VGLL4: variants seen among roughly 807,000 people sequenced by gnomAD.
VGLL4 encodes vestigial like family member 4.
Under a neutral mutation model 21.0 loss-of-function variants are expected in VGLL4, and 7 were observed. The ratio of observed to expected loss-of-function variants is 0.33; its 90% CI spans 0.19 to 0.63. The LOEUF is 0.63. Among genes scored for constraint, VGLL4 ranks in the 20% least tolerant of loss-of-function variants. The pLI is 0.78. For missense variants in VGLL4, 394 were observed against 425.7 expected (o/e 0.93, Z 0.66); for synonymous variants, 222 against 173.2 (o/e 1.28, Z -2.21).
In VGLL4 at chr3:11,577,162, C is replaced by T. The variant is rs543419525; in HGVS notation, c.273-12143G>A. ...CTGGCCAGCGCCAACCCCCTAGAAA[C>T]GAGTGGTCTGAGGAGACCTTCTGCC... On this transcript the variant is annotated intron_variant, in intron 2 of 4. Transcript: ENST00000430365. Among the ~76,000 whole-genome samples, 108 of 152,334 alleles carry T rather than the reference C, an allele frequency of 7.1e-4. 3 individuals carry two copies. The South Asian group carries it at 0.021, about 29-fold the overall frequency.
chr3:11,602,508 T>C (rs1173338078), intron 1 of VGLL4, among the ~76,000 whole-genome samples: 1 of 152,108 alleles, frequency 6.6e-6, no homozygotes. Context: ...GGAAAGTGTG[T>C]GGGCTAACAG....
chr3:11,589,899 A>T (rs773415105), intron 2 of VGLL4, among the ~76,000 whole-genome samples: 34 of 152,356 alleles, frequency 2.2e-4, no homozygotes, highest in Non-Finnish European at 4.4e-4. Flanking sequence ...CAAAGGCTTC[A>T]TCTCTAAAGA....
At chr3:11,559,496 A>C in intron 3 of VGLL4, 41 bp from the exon 4 acceptor site, 1 of 1,508,644 alleles carries the variant, frequency 6.6e-7, no homozygotes. Flanking sequence ...GACCAGCTTC[A>C]GTACCGGGCA....
intron 2 of VGLL4, among the ~76,000 whole-genome samples, chr3:11,588,447 G>T (rs1177039484): frequency 6.6e-6 from 1 of 152,222 alleles, no homozygotes; most frequent in African/African-American, 2.4e-5. Context: ...AGCCCAGGGG[G>T]TCCTACAGGC....
At chr3:11,697,836 A>G (rs895510961) in intron 2 of VGLL4, among the ~76,000 whole-genome samples, 5 of 152,176 alleles carry the variant, frequency 3.3e-5, no homozygotes, top group Non-Finnish European at 7.3e-5. Context: ...ACCTTCAATA[A>G]TCATCTCCAA....
At chr3:11,634,235 CTG>C (rs2075542368) in intron 1 of VGLL4, among the ~76,000 whole-genome samples, 1 of 152,212 alleles carries the variant, frequency 6.6e-6, no homozygotes, top group Non-Finnish European at 1.5e-5. Flanking sequence ...AGTCCTCTTC[CTG>C]TGTTTCCTGT....
chr3:11,569,414 G>C (rs2073683200), intron 2 of VGLL4, among the ~76,000 whole-genome samples: 1 of 152,236 alleles, frequency 6.6e-6, no homozygotes, highest in Non-Finnish European at 1.5e-5. Context: ...ATGAGGCCCA[G>C]GGCAGCCTTG....
chr3:11,677,687 TC>T (rs1403101937), intron 2 of VGLL4, among the ~76,000 whole-genome samples: 1 of 152,042 alleles, frequency 6.6e-6, no homozygotes, highest in Non-Finnish European at 1.5e-5. Context: ...ACACCTGTAA[TC>T]CCAGCACTTT....
chr3:11,650,212 G>A (rs1180131036), intron 2 of VGLL4, among the ~76,000 whole-genome samples: 1 of 152,138 alleles, frequency 6.6e-6, no homozygotes, highest in Non-Finnish European at 1.5e-5. Flanking sequence ...TGGGATTACT[G>A]GCATGAGCCA....
At chr3:11,562,504 T>C (rs2073110982) in intron 3 of VGLL4, among the ~76,000 whole-genome samples, 1 of 152,128 alleles carries the variant, frequency 6.6e-6, no homozygotes, top group Non-Finnish European at 1.5e-5. Context: ...CCCACTGCCA[T>C]TTCCCTGGCT....
chr3:11,626,775 A>G (rs1487402958), intron 1 of VGLL4, among the ~76,000 whole-genome samples: 1 of 152,202 alleles, frequency 6.6e-6, no homozygotes, highest in Non-Finnish European at 1.5e-5. Flanking sequence ...GAAGACAAGC[A>G]CTAGGAAGGC....
chr3:11,615,264 A>C (rs183196869), intron 1 of VGLL4, among the ~76,000 whole-genome samples: 1 of 152,308 alleles, frequency 6.6e-6, no homozygotes, highest in African/African-American at 2.4e-5. Context: ...TAAGGGTCAT[A>C]TGCTGCTCAG....
intron 2 of VGLL4, among the ~76,000 whole-genome samples, chr3:11,573,275 GAAA>G (rs2073872486): frequency 4.3e-4 from 7 of 16,400 alleles, no homozygotes; most frequent in African/African-American, 1.1e-3. Flanking sequence ...AAGAAAGAAA[GAAA>G]GAAAGAAAGA....
intron 1 of VGLL4, among the ~76,000 whole-genome samples, chr3:11,619,360 T>A (rs1456039838): frequency 6.6e-6 from 1 of 152,150 alleles, no homozygotes; most frequent in African/African-American, 2.4e-5. Context: ...GAAGAGTGGG[T>A]AACCCAAAAA....
chr3:11,609,634 G>A (rs565406206), intron 1 of VGLL4, among the ~76,000 whole-genome samples: 13 of 152,332 alleles, frequency 8.5e-5, no homozygotes, highest in African/African-American at 2.4e-4. Context: ...GTTTCAGGGG[G>A]ATTAATGGAC....
At position 11,624,296 on chromosome 3, in the gene VGLL4, A is replaced by T. The variant is rs112707522; in HGVS notation, c.82+19141T>A. On this transcript the variant is annotated intron_variant, in intron 1 of 4. Coordinates refer to ENST00000430365, the MANE Select transcript of VGLL4 (RefSeq NM_001128219.3). ...CAACTGATCAATACCAAGATCAGCC[A>T]ACACCACATCAGACATTTCTAAGGA... Among the ~76,000 whole-genome samples, 457 of 152,272 alleles carry T rather than the reference A, an allele frequency of 3.0e-3. 4 individuals carry two copies. Among genetic ancestry groups the T allele is most frequent in the African/African-American group, 0.01 (416 of 41,548 alleles).
chr3:11,626,329 C>A (rs2075351877), intron 1 of VGLL4: 1 of 456,556 alleles, frequency 2.2e-6, no homozygotes, highest in African/African-American at 2.0e-5. Flanking sequence ...CACAAACAGA[C>A]CACACAAAGT....
chr3:11,559,137 C>T (rs1034814080), intron 4 of VGLL4, among the ~76,000 whole-genome samples, 195 bp downstream of exon 4: 3 of 152,194 alleles, frequency 2.0e-5, no homozygotes, highest in Non-Finnish European at 4.4e-5. Context: ...CTGAGCGAGG[C>T]GGTGTGTTTC....
chr3:11,718,785 C>T (rs2076952142), intron 1 of VGLL4, among the ~76,000 whole-genome samples: 1 of 152,072 alleles, frequency 6.6e-6, no homozygotes, highest in African/African-American at 2.4e-5. Flanking sequence ...TCCCCACACC[C>T]CTACCCTCCC....
Sources: gnomAD v4.1 joint callset for allele counts (sites outside exome capture counted in the v4.1 genomes callset) on GRCh38, gnomAD v4.1.1 for gene constraint, MANE v1.5 for transcripts, NCBI Gene and HGNC (gene_info 2026-07-23, HGNC 2026-07-21) for gene names.